The following NAALADL2 variants were observed in gnomAD, a reference collection of about 807,000 sequenced individuals.
The protein encoded by NAALADL2 is N-acetylated alpha-linked acidic dipeptidase like 2.
NAALADL2 carries 76 observed loss-of-function variants against 87.2 expected under a neutral mutation model. The ratio of observed to expected loss-of-function variants is 0.87; its 90% CI spans 0.72 to 1.05. The LOEUF is 1.05. Among genes scored for constraint, NAALADL2 ranks in the 50% least tolerant of loss-of-function variants. NAALADL2 has a pLI of 0.00. For missense variants in NAALADL2, 1,089 were observed against 945.8 expected (o/e 1.15, Z -1.99); for synonymous variants, 354 against 331.0 (o/e 1.07, Z -0.75).
rs186780529 is a variant in NAALADL2, at chr3:175,573,907, G to T, written c.1654-2134G>T. On this transcript the variant is annotated intron_variant, in intron 9 of 13. Transcript: ENST00000454872. ...ACATTCTTTTTCTATTTCCAAAGTGGTTAATCAGCCAAAATAGTTGTAAAC... is the reference window on the plus strand; with the variant it reads ...ACATTCTTTTTCTATTTCCAAAGTGTTTAATCAGCCAAAATAGTTGTAAAC... Among the ~76,000 whole-genome samples, 5 of 152,094 alleles carry T rather than the reference G, an allele frequency of 3.3e-5. No individual in the cohort carries two copies. In the South Asian group the frequency reaches 6.2e-4, roughly 19 times the overall value.
chr3:175,544,752 T>C (rs1215713715), intron 9 of NAALADL2, among the ~76,000 whole-genome samples: 1 of 152,116 alleles, frequency 6.6e-6, no homozygotes, highest in African/African-American at 2.4e-5. Flanking sequence ...TAAGCCCTTT[T>C]ATATTCCCTT....
chr3:175,298,910 T>C (rs2110202497), intron 4 of NAALADL2, among the ~76,000 whole-genome samples: 1 of 152,298 alleles, frequency 6.6e-6, no homozygotes, highest in South Asian at 2.1e-4. Context: ...TTAAACTACA[T>C]TTGGGGCTAT....
At chr3:175,244,031 T>C (rs779242856) in intron 3 of NAALADL2, among the ~76,000 whole-genome samples, 5 of 152,160 alleles carry the variant, frequency 3.3e-5, no homozygotes, top group Non-Finnish European at 7.4e-5. Flanking sequence ...TGCCTGGACT[T>C]TCAACACAGC....
chr3:174,652,711 C>T (rs2108758334), intron 2 of NAALADL2, among the ~76,000 whole-genome samples: 1 of 152,130 alleles, frequency 6.6e-6, no homozygotes. Flanking sequence ...ACAGCCAAAC[C>T]ATATCACATA....
chr3:175,027,437 C>G (rs902248686), intron 1 of NAALADL2, among the ~76,000 whole-genome samples: 10 of 152,008 alleles, frequency 6.6e-5, no homozygotes, highest in African/African-American at 2.4e-4. Flanking sequence ...TTTACTATCA[C>G]TTATGTACCA....
chr3:175,718,670 T>C, intron 11 of NAALADL2: 1 of 1,559,988 alleles, frequency 6.4e-7, no homozygotes, highest in African/African-American at 1.4e-5. Context: ...GGCTGCCATC[T>C]TGCGTTTTCT....
At chr3:174,462,007 A>G (rs1716244791) in intron 1 of NAALADL2, among the ~76,000 whole-genome samples, 1 of 152,056 alleles carries the variant, frequency 6.6e-6, no homozygotes, top group South Asian at 2.1e-4. Flanking sequence ...TACTTAGACT[A>G]TTTTAGGAAT....
At chr3:175,463,841 A>G (rs537760354) in intron 7 of NAALADL2, among the ~76,000 whole-genome samples, 1 of 152,218 alleles carries the variant, frequency 6.6e-6, no homozygotes, top group East Asian at 1.9e-4. Context: ...TACTCACCAT[A>G]ACACCACTGA....
chr3:175,668,993 C>T (rs1224899624), intron 11 of NAALADL2, among the ~76,000 whole-genome samples: 3 of 151,986 alleles, frequency 2.0e-5, no homozygotes, highest in Non-Finnish European at 4.4e-5. Context: ...CTCCATTTAA[C>T]CAATGGAGAA....
At chr3:175,555,503 C>T (rs1304279476) in intron 9 of NAALADL2, among the ~76,000 whole-genome samples, 1 of 152,112 alleles carries the variant, frequency 6.6e-6, no homozygotes, top group Non-Finnish European at 1.5e-5. Flanking sequence ...CAATATATTC[C>T]TTATCATTTA....
chr3:174,975,884 A>G (rs1744293453), intron 1 of NAALADL2, among the ~76,000 whole-genome samples: 1 of 152,184 alleles, frequency 6.6e-6, no homozygotes, highest in African/African-American at 2.4e-5. Context: ...GAGGACTCCT[A>G]AGTCCAAATG....
At chr3:174,542,041 G>T (rs1033068954) in intron 1 of NAALADL2, among the ~76,000 whole-genome samples, 9 of 152,130 alleles carry the variant, frequency 5.9e-5, no homozygotes, top group Admixed American at 5.9e-4. Context: ...TTTTAATTCT[G>T]TGCAAATTAA....
intron 11 of NAALADL2, among the ~76,000 whole-genome samples, chr3:175,734,133 C>A (rs1744178137): frequency 1.3e-5 from 2 of 152,188 alleles, no homozygotes; most frequent in South Asian, 4.1e-4. Context: ...ACGTGGTGCC[C>A]CAGTAGGGAC....
chr3:175,090,272 G>T (rs1035925082), intron 1 of NAALADL2, among the ~76,000 whole-genome samples: 1 of 151,864 alleles, frequency 6.6e-6, no homozygotes, highest in Non-Finnish European at 1.5e-5. Flanking sequence ...ATAATACCAA[G>T]TGTTCACACT....
At chr3:175,718,378 A>T in intron 11 of NAALADL2, 1 of 1,596,616 alleles carries the variant, frequency 6.3e-7, no homozygotes, top group Non-Finnish European at 8.6e-7. Flanking sequence ...CCACCACTCC[A>T]TTAGAACTAT....
At chr3:175,095,728 G>A (rs1346661540) in intron 1 of NAALADL2, among the ~76,000 whole-genome samples, 1 of 152,024 alleles carries the variant, frequency 6.6e-6, no homozygotes, top group Non-Finnish European at 1.5e-5. Context: ...TAGCTTATCA[G>A]TTATCAGTTG....
intron 1 of NAALADL2, among the ~76,000 whole-genome samples, chr3:174,906,619 A>G (rs1732995995): frequency 6.6e-6 from 1 of 152,084 alleles, no homozygotes; most frequent in African/African-American, 2.4e-5. Flanking sequence ...CTTGCCAACA[A>G]GCATGTGAGT....
chr3:175,671,129 A>C (rs2149843965), intron 11 of NAALADL2, among the ~76,000 whole-genome samples: 1 of 151,728 alleles, frequency 6.6e-6, no homozygotes, highest in African/African-American at 2.4e-5. Flanking sequence ...TCATGACTTA[A>C]GTCATGACTT....
chr3:175,496,922 G>A (rs1043599137), intron 9 of NAALADL2, among the ~76,000 whole-genome samples: 1 of 151,864 alleles, frequency 6.6e-6, no homozygotes, highest in Admixed American at 6.6e-5. Flanking sequence ...TTTACACAGA[G>A]TATTTTATTT....
Sources: allele counts gnomAD v4.1 joint callset (sites outside exome capture counted in the v4.1 genomes callset), GRCh38; gene constraint gnomAD v4.1.1; transcripts MANE v1.5; gene names NCBI Gene and HGNC (gene_info 2026-07-23, HGNC 2026-07-21).